Variants in ZBTB46 observed in about 807,000 individuals in gnomAD.
ZBTB46 encodes zinc finger and BTB domain containing 46.
A neutral mutation model predicts 44.1 loss-of-function variants in ZBTB46; 8 were observed. The ratio of observed to expected loss-of-function variants is 0.18; its 90% CI spans 0.11 to 0.33. The LOEUF (loss-of-function observed/expected upper bound fraction) is 0.33. Among genes scored for constraint, ZBTB46 ranks in the 10% least tolerant of loss-of-function variants. The pLI, the probability that ZBTB46 is intolerant of heterozygous loss-of-function variation, is 1.00. For synonymous variants in ZBTB46, 409 were observed against 382.3 expected (o/e 1.07, Z -0.81); for missense variants, 651 against 847.7 (o/e 0.77, Z 2.88).
chr20:63,765,257 T>A (rs185415690), intron 3 of ZBTB46, among the ~76,000 whole-genome samples: 235 of 152,114 alleles, frequency 1.5e-3, no homozygotes, highest in Non-Finnish European at 2.0e-3. Flanking sequence ...CGAAGGACAA[T>A]CTCTATCTGT....
At position 63,746,878 on chromosome 20, in the gene ZBTB46, C is replaced by G. The variant is rs2092094579; in HGVS notation, c.*52G>C. 1 of 1,450,308 alleles carries G rather than the reference C, an allele frequency of 6.9e-7. No homozygotes were observed. The highest frequency in any genetic ancestry group is 2.5e-5 in the East Asian group (1 of 40,244). 89.8% of individuals were successfully genotyped at this position (1,450,308 alleles called of 1,614,324 possible). A position where few individuals can be genotyped will look rare whatever the true frequency, so the allele number is the denominator to read the frequency against. On this transcript the variant is annotated 3_prime_UTR_variant, in exon 5 of 5. Coordinates refer to ENST00000245663, the MANE Select transcript of ZBTB46 (RefSeq NM_001369741.1). ...CCCCGCAGTGGAGACCCACCGGACA[C>G]ACACACGGGTGGACGGAGCGAGGCA...
chr20:63,813,877 G>C (rs1213103074), intron 1 of ZBTB46, among the ~76,000 whole-genome samples: 3 of 152,222 alleles, frequency 2.0e-5, no homozygotes, highest in Non-Finnish European at 4.4e-5. Context: ...GGCTGCGTGT[G>C]AGCCACACAC....
chr20:63,774,035 C>T (rs1045857317), intron 3 of ZBTB46, among the ~76,000 whole-genome samples: 1 of 139,968 alleles, frequency 7.1e-6, no homozygotes, highest in Non-Finnish European at 1.5e-5. Context: ...TTCACAACAG[C>T]TGTGTAAGTG....
intron 1 of ZBTB46, among the ~76,000 whole-genome samples, chr20:63,823,172 A>G (rs1482524908): frequency 1.3e-5 from 2 of 151,794 alleles, no homozygotes; most frequent in Non-Finnish European, 2.9e-5. Context: ...CACCTCAAAA[A>G]TACATACATA....
chr20:63,805,110 G>A (rs997848620), intron 1 of ZBTB46, among the ~76,000 whole-genome samples: 2 of 151,620 alleles, frequency 1.3e-5, no homozygotes, highest in African/African-American at 4.8e-5. Flanking sequence ...TAGTAGAGAC[G>A]GGGTTTCACC....
upstream of ZBTB46, among the ~76,000 whole-genome samples, chr20:63,833,027 G>A (rs960143099): frequency 6.6e-6 from 1 of 151,986 alleles, no homozygotes; most frequent in Non-Finnish European, 1.5e-5. Flanking sequence ...AGGGCCTCCC[G>A]CAGAGCCTGC....
chr20:63,780,164 G>A (rs894473796), intron 2 of ZBTB46, among the ~76,000 whole-genome samples: 29 of 151,646 alleles, frequency 1.9e-4, no homozygotes, highest in Admixed American at 5.3e-4. Context: ...TCAGCTACTC[G>A]GCAAGCTGAG....
chr20:63,789,401 G>A (rs563049966), intron 2 of ZBTB46, among the ~76,000 whole-genome samples: 8 of 152,320 alleles, frequency 5.3e-5, no homozygotes, highest in South Asian at 4.1e-4. Flanking sequence ...CCTGGCAAGC[G>A]GCCAGTCGAG....
chr20:63,767,873 G>A lies in ZBTB46; in HGVS notation c.1222+7805C>T, dbSNP rs558932908. 1 of 985,180 alleles carries A rather than the reference G, an allele frequency of 1.0e-6. No homozygotes were observed. Among genetic ancestry groups the A allele is most frequent in the Non-Finnish European group, 1.2e-6 (1 of 829,690 alleles). 61.0% of individuals were successfully genotyped at this position (985,180 alleles called of 1,614,324 possible). ...CCTGGGCTGGAAGAAGACTCCTCAG[G>A]CATCCTGGACAGGCCACAGGCCCTG... On this transcript the variant is annotated intron_variant, in intron 3 of 4. Transcript: ENST00000245663. This position sits in a 1 kb window ranked among gnomAD's most constrained non-coding sequence, Gnocchi z 5.0.
intron 1 of ZBTB46, among the ~76,000 whole-genome samples, chr20:63,812,458 A>G (rs957452389): frequency 6.6e-5 from 10 of 152,042 alleles, no homozygotes; most frequent in Admixed American, 2.0e-4. Flanking sequence ...CCTGGCCAAC[A>G]TGGTAAAACC....
chr20:63,803,571 G>A lies in ZBTB46; in HGVS notation c.-33-12781C>T. On this transcript the variant is annotated intron_variant, in intron 1 of 4. Coordinates refer to ENST00000245663, the MANE Select transcript of ZBTB46 (RefSeq NM_001369741.1). This position sits in a 1 kb window ranked among gnomAD's most constrained non-coding sequence, Gnocchi z 4.0. Reference sequence around the variant, plus strand: ...CCGGCCCCGGGCTGCCCAGGCCCCGGGCTGCCCAGGTCTCTGTCGGAGGCC... The same window carrying A: ...CCGGCCCCGGGCTGCCCAGGCCCCGAGCTGCCCAGGTCTCTGTCGGAGGCC... 1 of 979,410 alleles carries A rather than the reference G, an allele frequency of 1.0e-6. No individual in the cohort carries two copies. 60.7% of individuals were successfully genotyped at this position (979,410 alleles called of 1,614,324 possible).
At chr20:63,758,311 A>T (rs2092242838) in intron 3 of ZBTB46, among the ~76,000 whole-genome samples, 1 of 151,250 alleles carries the variant, frequency 6.6e-6, no homozygotes, top group Non-Finnish European at 1.5e-5. Flanking sequence ...CTATGCCCAG[A>T]GCCTGCTGAA....
chr20:63,814,111 T>C (rs1208484577), intron 1 of ZBTB46, among the ~76,000 whole-genome samples: 6 of 151,640 alleles, frequency 4.0e-5, no homozygotes, highest in African/African-American at 1.5e-4. Context: ...TGGGCGCCTG[T>C]AGTCCCAACT....
chr20:63,776,134 G>A (rs1034939172), intron 2 of ZBTB46, among the ~76,000 whole-genome samples, 172 bp from the exon 3 acceptor site: 6 of 152,244 alleles, frequency 3.9e-5, no homozygotes, highest in African/African-American at 7.2e-5. Flanking sequence ...CAGCAGCCTC[G>A]GCCCAGCCCG....
In ZBTB46 at chr20:63,752,610, G is replaced by A. The variant is rs1480128272; in HGVS notation, c.1398+76C>T. On this transcript the variant is annotated intron_variant, in intron 4 of 4. Transcript: ENST00000245663. The surrounding 1 kb of genome is among the most constrained non-coding windows in gnomAD (Gnocchi z 5.6). Reference sequence around the variant, plus strand: ...CGGTGTGGGGTCCGGGGCGGTCTGCGCCCTCATCAGGACCCGCCTGCCCGG... The same window carrying A: ...CGGTGTGGGGTCCGGGGCGGTCTGCACCCTCATCAGGACCCGCCTGCCCGG... 4.9e-6 allele frequency: 7 copies of A among 1,425,604 alleles called. No homozygotes were observed. Among genetic ancestry groups the A allele is most frequent in the African/African-American group, 1.4e-5 (1 of 69,090 alleles). 88.3% of individuals were successfully genotyped at this position (1,425,604 alleles called of 1,614,324 possible).
chr20:63,752,944 G>C lies in ZBTB46; in HGVS notation c.1223-83C>G. The C allele has an allele frequency of 1.4e-6, 2 of 1,460,986 alleles. No individual in the cohort carries two copies. Among genetic ancestry groups the C allele is most frequent in the Non-Finnish European group, 1.8e-6 (2 of 1,094,732 alleles). The allele number at this position is 1,460,986 out of a possible 1,614,324, so 90.5% of individuals were successfully genotyped here. A position where few individuals can be genotyped will look rare whatever the true frequency, so the allele number is the denominator to read the frequency against. On this transcript the variant is annotated intron_variant, in intron 3 of 4. Coordinates refer to ENST00000245663, the MANE Select transcript of ZBTB46 (RefSeq NM_001369741.1). The surrounding 1 kb of genome is among the most constrained non-coding windows in gnomAD (Gnocchi z 5.6). ...CCACAGACCACGGCTGCACGCCGCAGCCCAGCAGCCAGGACGGGCTGTCTC... is the reference window on the plus strand; with the variant it reads ...CCACAGACCACGGCTGCACGCCGCACCCCAGCAGCCAGGACGGGCTGTCTC...
chr20:63,790,407 G>A lies in ZBTB46; in HGVS notation c.351C>T (p.Ile117=), dbSNP rs774921123. 6.8e-6 allele frequency: 11 copies of A among 1,612,848 alleles called. No individual in the cohort carries two copies. The highest frequency in any genetic ancestry group is 6.7e-5 in the East Asian group (3 of 44,884). Residue 117 remains isoleucine, a synonymous_variant, in exon 2 of 5, where the codon ATC becomes ATT. Transcript: ENST00000245663. Reference sequence around the variant, plus strand: ...TGATGAAGTCGTGGCAGGCTTGCACGATGTCCGTCATCTGCAGGAAGCTGG... The same window carrying A: ...TGATGAAGTCGTGGCAGGCTTGCACAATGTCCGTCATCTGCAGGAAGCTGG... ...SAASFLQMTD[I]VQACHDFIKA...
chr20:63,814,277 A>G (rs2092735235), intron 1 of ZBTB46, among the ~76,000 whole-genome samples: 1 of 151,944 alleles, frequency 6.6e-6, no homozygotes, highest in Admixed American at 6.6e-5. Context: ...GAAAAAGAAA[A>G]AACAGTGGGA....
chr20:63,798,441 G>A (rs57620666), intron 1 of ZBTB46, among the ~76,000 whole-genome samples: 26,541 of 151,652 alleles, frequency 0.18, 2,780 homozygotes, highest in East Asian at 0.45. Context: ...TTGGGAGGCC[G>A]AGGTGGGCGG....
Sources: gnomAD v4.1 joint callset for allele counts (sites outside exome capture counted in the v4.1 genomes callset) on GRCh38, gnomAD v4.1.1 for gene constraint, Gnocchi (gnomAD v3.1) non-coding constraint, MANE v1.5 for transcripts, NCBI Gene and HGNC (gene_info 2026-07-23, HGNC 2026-07-21) for gene names.